Variants in ETFBKMT observed in about 807,000 individuals in gnomAD.
ETFBKMT encodes the protein electron transfer flavoprotein subunit beta lysine methyltransferase.
In ETFBKMT, 13 loss-of-function variants were observed where a neutral mutation model predicts 18.3. The observed-to-expected ratio is 0.71, with a 90% CI of 0.46 to 1.13. The LOEUF (loss-of-function observed/expected upper bound fraction) is 1.13. ETFBKMT is among the 50% of genes most tolerant of loss of function. The pLI, the probability that ETFBKMT is intolerant of heterozygous loss-of-function variation, is 0.00. For missense variants in ETFBKMT, 293 were observed against 306.2 expected (o/e 0.96, Z 0.32); for synonymous variants, 84 against 107.9 (o/e 0.78, Z 1.37).
Position 31,661,835 on chromosome 12 carries a change from T to C in ETFBKMT, c.-113-6T>C, listed in dbSNP as rs1951128149. On this transcript the variant is annotated splice_polypyrimidine_tract_variant and splice_region_variant and intron_variant, in intron 1 of 3. Coordinates refer to ENST00000357721, the MANE Select transcript of ETFBKMT (RefSeq NM_001135863.2). ...TTCTCAGTATTACTTTTCTTTTTTT[T>C]TTCAGAGTCAGAGGTTCCGGTTGAG... is the stretch of plus-strand genomic sequence containing the variant. 1 of 863,342 alleles carries C rather than the reference T, an allele frequency of 1.2e-6. No individual in the cohort carries two copies. The highest frequency in any genetic ancestry group is 1.7e-5 in the South Asian group (1 of 59,730). 53.5% of individuals were successfully genotyped at this position (863,342 alleles called of 1,614,324 possible).
rs1021288103 is a variant in ETFBKMT, at chr12:31,667,971, T to A, written c.770T>A (p.Val257Glu). The stretch of plus-strand genomic sequence containing the variant: ...AACAGTGGACTGACAACAAGCACAG[T>A]GTGGGGTTTTCAGCCTTGAGTTGTC... ...QENSGLTTSTVWGFQP is the reference protein window; with the variant it reads ...QENSGLTTSTEWGFQP The change falls in exon 4 of 4, where the codon GTG (valine) becomes GAG (glutamate). Residue 257 changes from valine to glutamate, a missense_variant. Coordinates refer to ENST00000357721, the MANE Select transcript of ETFBKMT (RefSeq NM_001135863.2). 3 of 1,612,872 alleles carry A rather than the reference T, an allele frequency of 1.9e-6. No homozygotes were observed. Among genetic ancestry groups the A allele is most frequent in the Non-Finnish European group, 2.5e-6 (3 of 1,179,024 alleles).
chr12:31,648,711 A>T (rs7485047), intron 1 of ETFBKMT, among the ~76,000 whole-genome samples: 1 of 151,638 alleles, frequency 6.6e-6, no homozygotes, highest in Non-Finnish European at 1.5e-5. Flanking sequence ...ACAGGGGCCC[A>T]CCACCACGCC....
At chr12:31,664,518 T>A (rs572432394) in intron 2 of ETFBKMT, among the ~76,000 whole-genome samples, 4 of 152,334 alleles carry the variant, frequency 2.6e-5, no homozygotes, top group African/African-American at 9.6e-5. Context: ...TCAAGGTTTG[T>A]TAAGCCCAAG....
intron 2 of ETFBKMT, among the ~76,000 whole-genome samples, chr12:31,662,911 A>C (rs968497068): frequency 2.0e-5 from 3 of 151,904 alleles, no homozygotes; most frequent in African/African-American, 7.3e-5. Context: ...TTCCTTCCAG[A>C]GTTGCTTATT....
At chr12:31,648,631 G>A (rs1446869975) in intron 1 of ETFBKMT, among the ~76,000 whole-genome samples, 4 of 138,132 alleles carry the variant, frequency 2.9e-5, no homozygotes, top group East Asian at 2.3e-4. Context: ...GCGCAATCTC[G>A]GCTCACTGCA....
intron 1 of ETFBKMT, among the ~76,000 whole-genome samples, chr12:31,649,101 A>G (rs1024824042): frequency 6.6e-6 from 1 of 152,090 alleles, no homozygotes; most frequent in Non-Finnish European, 1.5e-5. Flanking sequence ...ACAGGCGCCC[A>G]CCACCATGCC....
chr12:31,659,146 A>G (rs1442618571), upstream of ETFBKMT: 1 of 152,196 alleles, frequency 6.6e-6, no homozygotes, highest in Non-Finnish European at 1.5e-5. Context: ...CCCTTTAAGA[A>G]AGTGGAGGAG....
intron 1 of ETFBKMT, among the ~76,000 whole-genome samples, chr12:31,652,056 A>G (rs981505420): frequency 2.0e-5 from 3 of 152,108 alleles, no homozygotes; most frequent in African/African-American, 7.2e-5. Flanking sequence ...CTATTTCCAT[A>G]ATAAGATTAG....
intron 1 of ETFBKMT, 70 bp from the exon 2 acceptor site, chr12:31,661,771 T>C (rs546617364): frequency 6.3e-5 from 39 of 620,464 alleles, no homozygotes; most frequent in South Asian, 5.6e-4. Context: ...TATTTTCTTA[T>C]TATGTAATAG....
Position 31,662,087 on chromosome 12 carries a change from C to A in ETFBKMT, c.134C>A (p.Pro45His). 6.2e-7 allele frequency: 1 copy of A among 1,614,208 alleles called. No homozygotes were observed. The highest frequency in any genetic ancestry group is 8.5e-7 in the Non-Finnish European group (1 of 1,180,032). ...AGAGGAGCTGGAAGCTTTTTGGACC[C>A]TGAGATAAAGGCTTTCCTGGAGGAG... ...PWRGAGSFLD[P>H]EIKAFLEENT... Residue 45 changes from proline (P) to histidine (H), a missense_variant, in exon 2 of 4, where the codon CCT (proline) becomes CAT (histidine). Pro to His is a moderately conservative substitution (Grantham distance 77, BLOSUM62 -2). Transcript: ENST00000357721.
chr12:31,663,180 C>T (rs1226257112), intron 2 of ETFBKMT, among the ~76,000 whole-genome samples: 1 of 151,600 alleles, frequency 6.6e-6, no homozygotes, highest in Non-Finnish European at 1.5e-5. Flanking sequence ...GCAAGCCCCG[C>T]CTCCCGGGTT....
chr12:31,672,421 A>T lies in ETFBKMT; in HGVS notation c.*4431A>T, dbSNP rs1176101964. ...ACAATATATTAATTGACAATAAAAAATGTTTAATGTTTCCTCATGTCTAAC... is the reference window on the plus strand; with the variant it reads ...ACAATATATTAATTGACAATAAAAATTGTTTAATGTTTCCTCATGTCTAAC... On this transcript the variant is annotated 3_prime_UTR_variant, in exon 4 of 4. Coordinates refer to ENST00000357721, the MANE Select transcript of ETFBKMT (RefSeq NM_001135863.2). The T allele has an allele frequency of 1.5e-6, 2 of 1,337,334 alleles. No individual in the cohort carries two copies. The highest frequency in any genetic ancestry group is 2.1e-6 in the Non-Finnish European group (2 of 952,802). The allele number at this position is 1,337,334 out of a possible 1,614,324, so 82.8% of individuals were successfully genotyped here. A position where few individuals can be genotyped will look rare whatever the true frequency, so the allele number is the denominator to read the frequency against.
chr12:31,653,601 G>A (rs1321479315), intron 1 of ETFBKMT, among the ~76,000 whole-genome samples: 5 of 152,236 alleles, frequency 3.3e-5, no homozygotes, highest in Non-Finnish European at 7.3e-5. Flanking sequence ...GTAGAGAGAA[G>A]CTAGAAGGAA....
At chr12:31,654,706 C>T (rs191940006), upstream of ETFBKMT, among the ~76,000 whole-genome samples, 2 of 152,140 alleles carry the variant, frequency 1.3e-5, no homozygotes, top group African/African-American at 4.8e-5. Flanking sequence ...ATATGAAAAT[C>T]TAGAAAAAGC....
At chr12:31,651,489 ATG>A in intron 1 of ETFBKMT, among the ~76,000 whole-genome samples, 3 of 151,782 alleles carry the variant, frequency 2.0e-5, no homozygotes, top group African/African-American at 7.3e-5. Flanking sequence ...GCCACCACGC[ATG>A]GCTAATTTTT....
Position 31,666,917 on chromosome 12 carries a change from A to G in ETFBKMT, c.445+700A>G, listed in dbSNP as rs184998737. On this transcript the variant is annotated intron_variant, in intron 3 of 3. Transcript: ENST00000357721. ...CGTGATCTGCCCGTCTTGGCCTCCC[A>G]AAGTGCTAGGATTACAGGCATGAGC... 2.8e-3 allele frequency among the ~76,000 whole-genome samples: 421 copies of G among 151,586 alleles called. 1 individual carries two copies. Among genetic ancestry groups the G allele is most frequent in the Middle Eastern group, 6.8e-3 (2 of 292 alleles).
intron 2 of ETFBKMT, among the ~76,000 whole-genome samples, chr12:31,663,022 GGA>G (rs1169316260): frequency 6.6e-6 from 1 of 152,070 alleles, no homozygotes; most frequent in Non-Finnish European, 1.5e-5. Context: ...AGCCAGTGCA[GGA>G]GGACAGCTTG....
chr12:31,672,493 G>A lies in ETFBKMT; in HGVS notation c.*4503G>A. 1.3e-6 allele frequency: 1 copy of A among 753,198 alleles called. No individual in the cohort carries two copies. The highest frequency in any genetic ancestry group is 1.6e-5 in the South Asian group (1 of 62,194). 46.7% of individuals were successfully genotyped at this position (753,198 alleles called of 1,614,324 possible). A position where few individuals can be genotyped will look rare whatever the true frequency, so the allele number is the denominator to read the frequency against. ...TACAGTTATTTAAAGGATTAAAGGA[G>A]GTGATCTATAAAGCACAATATACAA... On this transcript the variant is annotated 3_prime_UTR_variant, in exon 4 of 4. Transcript: ENST00000357721.
chr12:31,649,182 T>C (rs771501185), intron 1 of ETFBKMT, among the ~76,000 whole-genome samples: 1 of 152,218 alleles, frequency 6.6e-6, no homozygotes, highest in African/African-American at 2.4e-5. Context: ...AGTTGTTATA[T>C]TTTTAGGAAA....
Sources: allele counts gnomAD v4.1 joint callset (sites outside exome capture counted in the v4.1 genomes callset), GRCh38; gene constraint gnomAD v4.1.1; transcripts MANE v1.5; gene names NCBI Gene and HGNC (gene_info 2026-07-23, HGNC 2026-07-21).